UIMC1: variants seen among roughly 807,000 people sequenced by gnomAD.
The protein encoded by UIMC1 is BRCA1-A complex subunit RAP80.
Under a neutral mutation model 84.9 loss-of-function variants are expected in UIMC1, and 42 were observed. That is an observed-to-expected ratio of 0.49 (90% CI 0.39 to 0.64). The LOEUF (loss-of-function observed/expected upper bound fraction) is 0.64. Among genes scored for constraint, UIMC1 ranks in the 30% least tolerant of loss-of-function variants. The pLI is 0.00. For missense variants in UIMC1, 825 were observed against 847.6 expected (o/e 0.97, Z 0.33); for synonymous variants, 281 against 293.0 (o/e 0.96, Z 0.42).
intron 1 of UIMC1, among the ~76,000 whole-genome samples, chr5:176,994,067 T>TA (rs1282474418): frequency 6.8e-6 from 1 of 146,880 alleles, no homozygotes; most frequent in East Asian, 2.0e-4. Flanking sequence ...GATGAAATAG[T>TA]AAAAAACACT....
At chr5:177,017,975 G>T (rs894317586) in intron 1 of UIMC1, among the ~76,000 whole-genome samples, 3 of 151,950 alleles carry the variant, frequency 2.0e-5, no homozygotes, top group Non-Finnish European at 4.4e-5. Flanking sequence ...TGTTATAGCA[G>T]TTAAAACATA....
intron 4 of UIMC1, 61 bp downstream of exon 4, chr5:176,970,681 C>A: frequency 6.2e-7 from 1 of 1,612,094 alleles, no homozygotes; most frequent in Non-Finnish European, 8.5e-7. Context: ...ACTACAACAC[C>A]ACAGAAGTCA....
intron 1 of UIMC1, among the ~76,000 whole-genome samples, chr5:176,998,598 T>C (rs1034154907): frequency 6.6e-6 from 1 of 151,168 alleles, no homozygotes; most frequent in Admixed American, 6.6e-5. Flanking sequence ...AGAAACCCTG[T>C]CTCTACTAAA....
intron 1 of UIMC1, among the ~76,000 whole-genome samples, chr5:177,014,057 CTTTT>C (rs34686520): frequency 3.3e-5 from 4 of 122,124 alleles, no homozygotes; most frequent in African/African-American, 1.2e-4. Flanking sequence ...TTTTTCTTTT[CTTTT>C]TTTTTTTTTT....
chr5:177,017,490 C>A (rs1355793252), intron 1 of UIMC1, among the ~76,000 whole-genome samples: 1 of 152,110 alleles, frequency 6.6e-6, no homozygotes, highest in Admixed American at 6.6e-5. Flanking sequence ...TGGGTTCAAG[C>A]AATTCTCCTG....
chr5:177,003,818 T>A (rs1195743700), intron 1 of UIMC1, among the ~76,000 whole-genome samples: 1 of 152,148 alleles, frequency 6.6e-6, no homozygotes, highest in Non-Finnish European at 1.5e-5. Context: ...CCTATTTAAA[T>A]GTTTCCTGTA....
chr5:176,975,883 G>C (rs1479592478), intron 2 of UIMC1, among the ~76,000 whole-genome samples: 1 of 152,140 alleles, frequency 6.6e-6, no homozygotes. Flanking sequence ...AAAGGAAAAA[G>C]AGGGTAAATG....
Position 176,992,634 on chromosome 5 carries a change from A to T in UIMC1, c.-8-10011T>A, listed in dbSNP as rs1445033974. Among the ~76,000 whole-genome samples the T allele has an allele frequency of 7.7e-5, 8 of 103,250 alleles. No individual in the cohort carries two copies. The East Asian group carries it at 1.2e-3, about 16-fold the overall frequency. The allele number at this position is 103,250 out of a possible 152,430, so 67.7% of individuals were successfully genotyped here. A position where few individuals can be genotyped will look rare whatever the true frequency, so the allele number is the denominator to read the frequency against. ...CAAAATAGCAAGGCCTTGTCTCTAT[A>T]AAAAAAAAAAAATTTTTTTTAATTA... On this transcript the variant is annotated intron_variant, in intron 1 of 14. Transcript: ENST00000511320.
At chr5:176,989,561 G>A (rs535065409) in intron 1 of UIMC1, among the ~76,000 whole-genome samples, 1 of 152,052 alleles carries the variant, frequency 6.6e-6, no homozygotes, top group South Asian at 2.1e-4. Context: ...TGGAGAGGCT[G>A]GGGCAGGATT....
chr5:176,907,856 G>C (rs1273873322), intron 12 of UIMC1, among the ~76,000 whole-genome samples: 11 of 152,206 alleles, frequency 7.2e-5, no homozygotes, highest in Admixed American at 7.2e-4. Context: ...TGACCTAATA[G>C]TTCCGTATCA....
chr5:176,996,258 A>G (rs921719846), intron 1 of UIMC1, among the ~76,000 whole-genome samples: 4 of 152,208 alleles, frequency 2.6e-5, no homozygotes, highest in African/African-American at 9.7e-5. Context: ...AAAGGAAAAC[A>G]GACCAGCATT....
At chr5:176,975,522 A>G (rs1769927325) in intron 2 of UIMC1, 42 bp from the exon 3 acceptor site, 1 of 1,604,044 alleles carries the variant, frequency 6.2e-7, no homozygotes, top group African/African-American at 1.3e-5. Context: ...GCTGCCACTA[A>G]AAGTAGTGAT....
Position 176,908,691 on chromosome 5 carries a change from A to G in UIMC1, c.1680T>C (p.Asn560=). The G allele has an allele frequency of 1.9e-6, 3 of 1,608,848 alleles. No homozygotes were observed. Among genetic ancestry groups the G allele is most frequent in the Non-Finnish European group, 2.5e-6 (3 of 1,176,822 alleles). The change falls in exon 12 of 15, where the codon AAT becomes AAC. Residue 560 remains asparagine (N), a synonymous_variant. Transcript: ENST00000511320. ...GGGATTTACAGAGGTAACACTTCTC[A>G]TTCCTATCCAATAAGAAAAAAGGAA... ...AAQTSLDIDK[N]EKCYLCKSLV...
At chr5:176,963,650 T>C (rs987566802) in intron 6 of UIMC1, among the ~76,000 whole-genome samples, 3 of 152,114 alleles carry the variant, frequency 2.0e-5, no homozygotes, top group Non-Finnish European at 4.4e-5. Flanking sequence ...CCTTAAAAAT[T>C]CCATTTTCTG....
intron 10 of UIMC1, among the ~76,000 whole-genome samples, chr5:176,923,769 C>A (rs1310053467): frequency 1.3e-5 from 2 of 149,134 alleles, no homozygotes; most frequent in Non-Finnish European, 3.0e-5. Context: ...GAGGCTGAGG[C>A]AAGAGAATCG....
At chr5:176,906,196 C>T (rs547922471) in intron 13 of UIMC1, 149 bp from the exon 14 acceptor site, 11 of 677,684 alleles carry the variant, frequency 1.6e-5, no homozygotes, top group South Asian at 7.5e-5. Context: ...AACCCACAGA[C>T]GGTGAGCATT....
At chr5:177,014,015 T>C (rs1030954261) in intron 1 of UIMC1, among the ~76,000 whole-genome samples, 2 of 152,008 alleles carry the variant, frequency 1.3e-5, no homozygotes, top group Non-Finnish European at 2.9e-5. Flanking sequence ...CTATATTGTT[T>C]GCACAAACAG....
intron 1 of UIMC1, among the ~76,000 whole-genome samples, chr5:177,016,082 A>G (rs1207184397): frequency 6.6e-6 from 1 of 151,800 alleles, no homozygotes; most frequent in African/African-American, 2.4e-5. Flanking sequence ...AGAAAAAAAG[A>G]GGCAGGACGC....
chr5:176,969,907 T>C, intron 4 of UIMC1: 1 of 500,136 alleles, frequency 2.0e-6, no homozygotes, highest in Non-Finnish European at 3.6e-6. Context: ...AAACCCTTTT[T>C]TAAAACAGGG....
Sources: allele counts gnomAD v4.1 joint callset (sites outside exome capture counted in the v4.1 genomes callset), GRCh38; gene constraint gnomAD v4.1.1; transcripts MANE v1.5; gene names NCBI Gene and HGNC (gene_info 2026-07-23, HGNC 2026-07-21).